PSMA6: variants seen among roughly 807,000 people sequenced by gnomAD.
PSMA6 encodes proteasome 20S subunit alpha 6, also known as proteasome subunit alpha type-6.
For missense variants in PSMA6, 170 were observed against 294.8 expected, an observed-to-expected ratio of 0.58 and a Z score of 3.10; for synonymous variants, 88 against 97.7, an observed-to-expected ratio of 0.90 and a Z score of 0.59.
chr14:35,314,394 A>G lies in PSMA6; in HGVS notation c.622A>G (p.Ile208Val), dbSNP rs746507286. The change falls in exon 6 of 7, where the codon ATT becomes GTT. Residue 208 changes from isoleucine to valine, a missense_variant. By Grantham distance (29) the Ile-to-Val change is conservative (BLOSUM62 3). Transcript: ENST00000261479. ...TACATGCCTGTCTACTGTTCTATCA[A>G]TTGATTTCAAACCTTCAGAAATAGA... ...AITCLSTVLS[I>V]DFKPSEIEVG... The G allele has an allele frequency of 5.0e-6, 8 of 1,612,026 alleles. No individual in the cohort carries two copies. In the East Asian group the frequency reaches 6.7e-5, roughly 13 times the overall value.
upstream of PSMA6, among the ~76,000 whole-genome samples, chr14:35,291,946 T>C (rs908095065): frequency 6.6e-6 from 1 of 151,710 alleles, no homozygotes; most frequent in African/African-American, 2.4e-5. Context: ...CTTCCTTCAG[T>C]GCCTAAATTT....
intron 1 of PSMA6, among the ~76,000 whole-genome samples, chr14:35,283,197 G>T (rs2051385558): frequency 6.6e-6 from 1 of 151,866 alleles, no homozygotes; most frequent in Non-Finnish European, 1.5e-5. Context: ...AAAATAGTAT[G>T]TCTAGTAAGA....
chr14:35,292,209 T>TTTCACGTCTATCCA, upstream of PSMA6: 1 of 934,214 alleles, frequency 1.1e-6, no homozygotes, highest in Non-Finnish European at 1.4e-6. Flanking sequence ...ACGACCCAAG[T>TTTCACGTCTATCCA]TTCACGTCTA....
chr14:35,280,886 A>T (rs73239074), intron 1 of PSMA6, among the ~76,000 whole-genome samples: 39,615 of 152,024 alleles, frequency 0.26, 6,806 homozygotes, highest in African/African-American at 0.49. Context: ...ACCACCACAC[A>T]TACCTGATTT....
upstream of PSMA6, among the ~76,000 whole-genome samples, chr14:35,290,388 C>T (rs115112449): frequency 5.5e-3 from 831 of 152,266 alleles, 6 homozygotes; most frequent in African/African-American, 0.019. Context: ...GGGACCTGAA[C>T]CAGAAGCAAG....
intron 5 of PSMA6, 47 bp from the exon 6 acceptor site, chr14:35,314,314 G>T: frequency 6.7e-7 from 1 of 1,491,412 alleles, no homozygotes; most frequent in South Asian, 1.3e-5. Context: ...GAAAACCTTG[G>T]AATCTCTAAA....
At chr14:35,292,902 T>C (rs2051513908) in intron 1 of PSMA6, 1 of 491,468 alleles carries the variant, frequency 2.0e-6, no homozygotes, top group Non-Finnish European at 4.0e-6. Context: ...GGTAATTGAT[T>C]CCTTAACGTC....
At chr14:35,284,839 C>T (rs2051403659) in intron 1 of PSMA6, among the ~76,000 whole-genome samples, 1 of 152,204 alleles carries the variant, frequency 6.6e-6, no homozygotes, top group South Asian at 2.1e-4. Context: ...TAGACATCTA[C>T]TCTGTACTTG....
At chr14:35,317,094 G>A (rs1000196977) in intron 6 of PSMA6, 155 bp from the exon 7 acceptor site, 2 of 584,928 alleles carry the variant, frequency 3.4e-6, no homozygotes, top group Admixed American at 2.7e-5. Context: ...GGGAAGATAA[G>A]TGTGTGTATA....
upstream of PSMA6, among the ~76,000 whole-genome samples, chr14:35,290,518 T>G (rs2051466248): frequency 6.6e-6 from 1 of 152,206 alleles, no homozygotes; most frequent in Non-Finnish European, 1.5e-5. Flanking sequence ...TTTTTTAGAT[T>G]AATAAAATAG....
chr14:35,293,595 G>A (rs1015721922), intron 1 of PSMA6, among the ~76,000 whole-genome samples: 1 of 152,222 alleles, frequency 6.6e-6, no homozygotes, highest in Non-Finnish European at 1.5e-5. Context: ...TAGAGTTAAA[G>A]ATAACTTGGA....
intron 1 of PSMA6, among the ~76,000 whole-genome samples, chr14:35,283,612 G>A (rs1229493285): frequency 1.4e-5 from 2 of 146,930 alleles, no homozygotes; most frequent in African/African-American, 2.5e-5. Context: ...CTGGAGTGCC[G>A]TGATGCAATC....
chr14:35,280,744 G>A (rs1286651146), intron 1 of PSMA6, among the ~76,000 whole-genome samples: 2 of 150,054 alleles, frequency 1.3e-5, no homozygotes, highest in East Asian at 2.0e-4. Context: ...TTCGAAATGG[G>A]GTCTCACTGT....
At position 35,309,014 on chromosome 14, in the gene PSMA6, T is replaced by G; in HGVS notation, c.253+19T>G. Reference sequence around the variant, plus strand: ...ATGACAGGTAATTAATCTGTAGATATACAAGACATCTGTAGATATACAAGC... The same window carrying G: ...ATGACAGGTAATTAATCTGTAGATAGACAAGACATCTGTAGATATACAAGC... On this transcript the variant is annotated intron_variant, in intron 3 of 6. Transcript: ENST00000261479. 1.3e-6 allele frequency: 2 copies of G among 1,513,728 alleles called. No individual in the cohort carries two copies. Among genetic ancestry groups the G allele is most frequent in the Non-Finnish European group, 1.8e-6 (2 of 1,096,912 alleles). The allele number at this position is 1,513,728 out of a possible 1,614,324, so 93.8% of individuals were successfully genotyped here.
intron 1 of PSMA6, among the ~76,000 whole-genome samples, chr14:35,298,880 C>T (rs1005013631): frequency 1.3e-4 from 19 of 151,722 alleles, no homozygotes; most frequent in Non-Finnish European, 2.2e-4. Flanking sequence ...ATTACAGGCG[C>T]GCACCACCAT....
intron 1 of PSMA6, among the ~76,000 whole-genome samples, chr14:35,279,830 A>G (rs375869817): frequency 1.3e-5 from 2 of 152,368 alleles, no homozygotes; most frequent in African/African-American, 4.8e-5. Flanking sequence ...ATGTTATAAG[A>G]ATGTACTTTT....
At chr14:35,308,877 T>G in intron 2 of PSMA6, 37 bp from the exon 3 acceptor site, 3 of 1,486,300 alleles carry the variant, frequency 2.0e-6, no homozygotes, top group Non-Finnish European at 1.9e-6. Flanking sequence ...ACCTGTATGT[T>G]TTTTAAAAAA....
chr14:35,282,734 C>T (rs562257061), intron 1 of PSMA6, among the ~76,000 whole-genome samples: 2 of 151,998 alleles, frequency 1.3e-5, no homozygotes, highest in South Asian at 4.2e-4. Flanking sequence ...ATGTGCCTGT[C>T]GTCTCAGCTA....
Position 35,307,497 on chromosome 14 carries a change from G to A in PSMA6, c.77-497G>A, listed in dbSNP as rs530086569. ...ACCTGTAATCCCTGCACTTTGGGATGCCAAGGCAGGTGGATCACCTGAGGT... is the reference window on the plus strand; with the variant it reads ...ACCTGTAATCCCTGCACTTTGGGATACCAAGGCAGGTGGATCACCTGAGGT... On this transcript the variant is annotated intron_variant, in intron 1 of 6. Transcript: ENST00000261479. 1.2e-4 allele frequency among the ~76,000 whole-genome samples: 18 copies of A among 152,306 alleles called. No individual in the cohort carries two copies. In the East Asian group the frequency reaches 1.9e-3, roughly 16 times the overall value.
Sources: gnomAD v4.1 joint callset for allele counts (sites outside exome capture counted in the v4.1 genomes callset) on GRCh38, gnomAD v4.1.1 for gene constraint, MANE v1.5 for transcripts, NCBI Gene and HGNC (gene_info 2026-07-23, HGNC 2026-07-21) for gene names.